The following AK8 variants were observed in gnomAD, a reference collection of about 807,000 sequenced individuals.
AK8 encodes the protein adenylate kinase 8.
In AK8, 44 loss-of-function variants were observed where a neutral mutation model predicts 54.6. The ratio of observed to expected loss-of-function variants is 0.81; its 90% CI spans 0.63 to 1.04. The LOEUF (loss-of-function observed/expected upper bound fraction) is 1.04. Among genes scored for constraint, AK8 ranks in the 50% least tolerant of loss-of-function variants. AK8 has a pLI of 0.00. For missense variants in AK8, 555 were observed against 613.6 expected, an observed-to-expected ratio of 0.90 and a Z score of 1.01; for synonymous variants, 239 against 245.6, an observed-to-expected ratio of 0.97 and a Z score of 0.25.
At position 132,791,759 on chromosome 9, in the gene AK8, C is replaced by A. The variant is rs1369658740; in HGVS notation, c.1121+875G>T. The stretch of plus-strand genomic sequence containing the variant: ...AACTGGAACCCACAACCTGCAGCAA[C>A]CTGCCCGGGGTGTCAGACCACAATC... On this transcript the variant is annotated intron_variant, in intron 11 of 12. Coordinates refer to ENST00000298545, the MANE Select transcript of AK8 (RefSeq NM_152572.3). The surrounding 1 kb of genome is among the most constrained non-coding windows in gnomAD (Gnocchi z 4.0). Among the ~76,000 whole-genome samples the A allele has an allele frequency of 1.3e-5, 2 of 152,228 alleles. No individual in the cohort carries two copies. The highest frequency in any genetic ancestry group is 2.4e-5 in the African/African-American group (1 of 41,452).
intron 11 of AK8, among the ~76,000 whole-genome samples, chr9:132,746,048 A>T (rs960057964): frequency 6.6e-6 from 1 of 152,160 alleles, no homozygotes; most frequent in Non-Finnish European, 1.5e-5. Flanking sequence ...AGCAACGGGG[A>T]TGTCGAGTTT....
chr9:132,846,545 ATGAATGAG>A (rs1423753107), intron 5 of AK8, among the ~76,000 whole-genome samples: 2 of 130,968 alleles, frequency 1.5e-5, no homozygotes, highest in African/African-American at 6.0e-5. Flanking sequence ...GAATGAATGA[ATGAATGAG>A]TACTTTTAGG....
chr9:132,727,435 C>T lies in AK8; in HGVS notation c.1202+19G>A. On this transcript the variant is annotated intron_variant, in intron 12 of 12. Coordinates refer to ENST00000298545, the MANE Select transcript of AK8 (RefSeq NM_152572.3). ...CTGGCAGTCCCCAGACTGCCAACCACCAGGAACACAGCACAAACCTTTCCC... is the reference window on the plus strand; with the variant it reads ...CTGGCAGTCCCCAGACTGCCAACCATCAGGAACACAGCACAAACCTTTCCC... The T allele has an allele frequency of 1.2e-6, 2 of 1,613,648 alleles. No homozygotes were observed. The highest frequency in any genetic ancestry group is 1.7e-6 in the Non-Finnish European group (2 of 1,179,590).
chr9:132,817,032 G>A (rs957984194), intron 9 of AK8, among the ~76,000 whole-genome samples: 20 of 152,166 alleles, frequency 1.3e-4, no homozygotes, highest in African/African-American at 4.8e-4. Context: ...AAAAGCTACT[G>A]GGAAGCTGTG....
At chr9:132,821,762 C>T (rs55714496) in intron 9 of AK8, among the ~76,000 whole-genome samples, 2,368 of 91,058 alleles carry the variant, frequency 0.026, 17 homozygotes, top group East Asian at 0.1. Context: ...CAAATATATA[C>T]ATATATGTAT....
At chr9:132,869,749 G>A (rs1195601202) in intron 2 of AK8, among the ~76,000 whole-genome samples, 1 of 152,250 alleles carries the variant, frequency 6.6e-6, no homozygotes, top group East Asian at 1.9e-4. Flanking sequence ...GAGGACACAT[G>A]GTCAGGTGAG....
intron 11 of AK8, among the ~76,000 whole-genome samples, chr9:132,775,083 A>G (rs1166551658): frequency 6.6e-6 from 1 of 152,180 alleles, no homozygotes; most frequent in Non-Finnish European, 1.5e-5. Flanking sequence ...TTGTCTCCAA[A>G]GGACATGTTT....
At position 132,781,828 on chromosome 9, in the gene AK8, C is replaced by G. The variant is rs1839483983; in HGVS notation, c.1121+10806G>C. Reference sequence around the variant, plus strand: ...TAGGTGGATTCATTTTAGAATATTTCTCTCTTTCTTAGCCTGTATCTGAAC... The same window carrying G: ...TAGGTGGATTCATTTTAGAATATTTGTCTCTTTCTTAGCCTGTATCTGAAC... On this transcript the variant is annotated intron_variant, in intron 11 of 12. Transcript: ENST00000298545. This position sits in a 1 kb window ranked among gnomAD's most constrained non-coding sequence, Gnocchi z 4.6. Among the ~76,000 whole-genome samples the G allele has an allele frequency of 6.6e-6, 1 of 152,156 alleles. No homozygotes were observed. The highest frequency in any genetic ancestry group is 2.4e-5 in the African/African-American group (1 of 41,434).
intron 11 of AK8, among the ~76,000 whole-genome samples, chr9:132,735,057 T>C (rs185611189): frequency 4.7e-4 from 72 of 152,266 alleles, no homozygotes; most frequent in African/African-American, 1.5e-3. Context: ...TGAAAGCTCC[T>C]TGGGTGGCTG....
intron 5 of AK8, among the ~76,000 whole-genome samples, chr9:132,853,063 A>C (rs1843031446): frequency 6.6e-6 from 1 of 152,042 alleles, no homozygotes; most frequent in Non-Finnish European, 1.5e-5. Context: ...ATACTAGTGA[A>C]ACCTAAAAAT....
intron 10 of AK8, among the ~76,000 whole-genome samples, chr9:132,798,350 C>A (rs1460541499): frequency 6.6e-6 from 1 of 152,166 alleles, no homozygotes; most frequent in Non-Finnish European, 1.5e-5. Flanking sequence ...CGTTTCCAGC[C>A]CCACATGGTC....
At chr9:132,772,530 G>A (rs1204415528) in intron 11 of AK8, among the ~76,000 whole-genome samples, 1 of 152,208 alleles carries the variant, frequency 6.6e-6, no homozygotes, top group African/African-American at 2.4e-5. Flanking sequence ...CAAACCTGCT[G>A]GCACCTTGAT....
intron 3 of AK8, among the ~76,000 whole-genome samples, chr9:132,866,312 G>A (rs947006373): frequency 6.6e-6 from 1 of 152,204 alleles, no homozygotes; most frequent in East Asian, 1.9e-4. Flanking sequence ...AACTGGTGAT[G>A]TGTGAAAAAG....
chr9:132,823,957 G>T (rs777504561), intron 8 of AK8, among the ~76,000 whole-genome samples: 1 of 152,220 alleles, frequency 6.6e-6, no homozygotes, highest in Non-Finnish European at 1.5e-5. Flanking sequence ...GATCAAAGAG[G>T]TCACAGGAGT....
chr9:132,830,875 T>C (rs1842077117), intron 5 of AK8, among the ~76,000 whole-genome samples: 1 of 152,240 alleles, frequency 6.6e-6, no homozygotes, highest in African/African-American at 2.4e-5. Flanking sequence ...CATATTCACT[T>C]GCCTTTAAAT....
rs1211543815 is a variant in AK8 at position 132,803,537 on chromosome 9, G to C, written c.980-10762C>G. Among the ~76,000 whole-genome samples the C allele has an allele frequency of 6.6e-6, 1 of 152,146 alleles. No homozygotes were observed. ...AACCAGTGACCATAGTAAGTAATTA[G>C]TGAATTACAGACACAATTCCCTTTA... On this transcript the variant is annotated intron_variant, in intron 10 of 12. Transcript: ENST00000298545. This position sits in a 1 kb window ranked among gnomAD's most constrained non-coding sequence, Gnocchi z 4.4.
Position 132,784,670 on chromosome 9 carries a change from A to G in AK8, c.1121+7964T>C, listed in dbSNP as rs12555295. On this transcript the variant is annotated intron_variant, in intron 11 of 12. Transcript: ENST00000298545. ...AGCTTGGGGAGAGAAAGAAAGAAAC[A>G]TGATCAAAGAATTCTTTGCCAGATG... 8.0e-4 allele frequency among the ~76,000 whole-genome samples: 122 copies of G among 152,308 alleles called. 1 individual carries two copies. The highest frequency in any genetic ancestry group is 7.5e-3 in the Admixed American group (115 of 15,296).
At chr9:132,752,163 T>C (rs1837959385) in intron 11 of AK8, among the ~76,000 whole-genome samples, 1 of 151,852 alleles carries the variant, frequency 6.6e-6, no homozygotes, top group African/African-American at 2.4e-5. Context: ...AGAGTAGTTT[T>C]TAAAATATTG....
intron 11 of AK8, among the ~76,000 whole-genome samples, chr9:132,756,670 G>A (rs759656670): frequency 6.6e-6 from 1 of 152,166 alleles, no homozygotes; most frequent in Admixed American, 6.5e-5. Context: ...GCAAGAGGGC[G>A]CTGGATTGTC....
Sources: gnomAD v4.1 joint callset for allele counts (sites outside exome capture counted in the v4.1 genomes callset) on GRCh38, gnomAD v4.1.1 for gene constraint, Gnocchi (gnomAD v3.1) non-coding constraint, MANE v1.5 for transcripts, NCBI Gene and HGNC (gene_info 2026-07-23, HGNC 2026-07-21) for gene names.